DHRSX: variants seen among roughly 807,000 people sequenced by gnomAD.
DHRSX encodes the protein dehydrogenase/reductase X-linked.
Under a neutral mutation model 34.0 loss-of-function variants are expected in DHRSX, and 31 were observed. The observed-to-expected ratio is 0.91, with a 90% CI of 0.69 to 1.23. DHRSX has a LOEUF of 1.23. Among genes scored for constraint, DHRSX ranks in the 50% most tolerant of loss-of-function variants. The pLI, the probability that DHRSX is intolerant of heterozygous loss-of-function variation, is 0.00. For synonymous variants in DHRSX, 201 were observed against 183.8 expected (o/e 1.09, Z -0.76); for missense variants, 414 against 428.1 (o/e 0.97, Z 0.29).
chrX:2,270,566 C>T (rs1023244955), intron 4 of DHRSX, among the ~76,000 whole-genome samples: 34 of 151,722 alleles, frequency 2.2e-4, no homozygotes, highest in African/African-American at 7.5e-4. Flanking sequence ...GTGGGTCCCG[C>T]GGCTCTACAC....
At chrX:2,377,112 A>T (rs953416564) in intron 3 of DHRSX, among the ~76,000 whole-genome samples, 16 of 152,092 alleles carry the variant, frequency 1.1e-4, no homozygotes, top group Non-Finnish European at 1.9e-4. Flanking sequence ...TCTGGCACAG[A>T]GACTAGTTTC....
chrX:2,359,679 CA>C (rs1024598501), intron 3 of DHRSX, among the ~76,000 whole-genome samples: 3 of 148,804 alleles, frequency 2.0e-5, no homozygotes, highest in Non-Finnish European at 3.0e-5. Context: ...GACTCCATAT[CA>C]AAAAAAAAGA....
chrX:2,229,893 ATG>A (rs1207013443), intron 6 of DHRSX, among the ~76,000 whole-genome samples: 10 of 152,040 alleles, frequency 6.6e-5, no homozygotes, highest in Non-Finnish European at 1.2e-4. Context: ...GTATATGGAT[ATG>A]TGTGAGTACA....
intron 3 of DHRSX, among the ~76,000 whole-genome samples, chrX:2,359,998 C>G (rs2042908330): frequency 6.6e-6 from 1 of 152,022 alleles, no homozygotes; most frequent in Non-Finnish European, 1.5e-5. Context: ...ATGAAATAAT[C>G]ATACAACAAA....
chrX:2,452,922 C>A (rs1343054207), intron 1 of DHRSX, among the ~76,000 whole-genome samples: 1 of 152,198 alleles, frequency 6.6e-6, no homozygotes, highest in Non-Finnish European at 1.5e-5. Flanking sequence ...GGATACCTGC[C>A]CCACTGTGCA....
intron 4 of DHRSX, among the ~76,000 whole-genome samples, chrX:2,282,994 G>T (rs183535327): frequency 6.6e-6 from 1 of 151,736 alleles, no homozygotes; most frequent in Non-Finnish European, 1.5e-5. Context: ...AAGTGAGACA[G>T]TGAAGAGGTG....
chrX:2,314,253 A>G, intron 3 of DHRSX, among the ~76,000 whole-genome samples: 1 of 42,390 alleles, frequency 2.4e-5, no homozygotes, highest in Non-Finnish European at 4.5e-5. Flanking sequence ...GAAGGGAGGG[A>G]AGGAGGGAAT....
At chrX:2,349,812 C>T (rs186984533) in intron 3 of DHRSX, among the ~76,000 whole-genome samples, 90,563 of 150,918 alleles carry the variant, frequency 0.6, 28,886 homozygotes, top group African/African-American at 0.83. Flanking sequence ...GAGGCCGAGG[C>T]GGGCGGATCA....
chrX:2,390,828 T>C, intron 3 of DHRSX, among the ~76,000 whole-genome samples: 1 of 152,310 alleles, frequency 6.6e-6, no homozygotes, highest in Middle Eastern at 3.4e-3. Flanking sequence ...CTTCCTTTTT[T>C]ATGGCTGTGT....
At chrX:2,482,111 G>A (rs1173706140) in intron 1 of DHRSX, among the ~76,000 whole-genome samples, 1 of 146,262 alleles carries the variant, frequency 6.8e-6, no homozygotes, top group Non-Finnish European at 1.5e-5. Context: ...GACCACACAC[G>A]TGTGCCACCA....
At chrX:2,350,215 G>C (rs1276457558) in intron 3 of DHRSX, among the ~76,000 whole-genome samples, 2 of 151,914 alleles carry the variant, frequency 1.3e-5, no homozygotes, top group African/African-American at 4.8e-5. Flanking sequence ...GCCGGGCATG[G>C]TGGCGGGTGC....
At chrX:2,326,160 A>C (rs1047962424) in intron 3 of DHRSX, among the ~76,000 whole-genome samples, 7 of 152,176 alleles carry the variant, frequency 4.6e-5, no homozygotes, top group Non-Finnish European at 1.5e-5. Flanking sequence ...TGGAGCCAGC[A>C]CCTGATGGAC....
chrX:2,484,394 C>T (rs1439916485), intron 1 of DHRSX, among the ~76,000 whole-genome samples: 1 of 152,110 alleles, frequency 6.6e-6, no homozygotes, highest in Non-Finnish European at 1.5e-5. Flanking sequence ...GGTACTCATG[C>T]CAAGGACCTC....
intron 3 of DHRSX, among the ~76,000 whole-genome samples, chrX:2,356,747 C>T (rs1315383089): frequency 6.6e-6 from 1 of 152,184 alleles, no homozygotes; most frequent in East Asian, 1.9e-4. Flanking sequence ...GATCCCTTTC[C>T]ATTTGATGAA....
chrX:2,458,722 G>A (rs1218956895), intron 1 of DHRSX, among the ~76,000 whole-genome samples: 1 of 152,094 alleles, frequency 6.6e-6, no homozygotes, highest in African/African-American at 2.4e-5. Context: ...TGGAGGCCAG[G>A]AGCGGTGGCT....
intron 5 of DHRSX, among the ~76,000 whole-genome samples, chrX:2,258,892 A>G (rs1441758832): frequency 1.3e-5 from 2 of 152,222 alleles, no homozygotes; most frequent in African/African-American, 4.8e-5. Flanking sequence ...CCTGTCATCA[A>G]TATTCATTTT....
chrX:2,257,285 T>C (rs1218474417), intron 5 of DHRSX, among the ~76,000 whole-genome samples: 4 of 152,138 alleles, frequency 2.6e-5, no homozygotes, highest in Non-Finnish European at 4.4e-5. Context: ...ACTTCAGTCA[T>C]ATGTGACGCA....
intron 2 of DHRSX, among the ~76,000 whole-genome samples, chrX:2,420,313 C>T (rs1221582437): frequency 6.6e-6 from 1 of 152,030 alleles, no homozygotes; most frequent in East Asian, 1.9e-4. Flanking sequence ...GAGGCTGAGG[C>T]AGGAGAATCG....
chrX:2,269,093 CTATGCA>C (rs2041513891), intron 4 of DHRSX, among the ~76,000 whole-genome samples: 1 of 152,202 alleles, frequency 6.6e-6, no homozygotes, highest in Non-Finnish European at 1.5e-5. Flanking sequence ...ACATATCTTT[CTATGCA>C]TATGCATTTG....
Sources: gnomAD v4.1 joint callset for allele counts (sites outside exome capture counted in the v4.1 genomes callset) on GRCh38, gnomAD v4.1.1 for gene constraint, MANE v1.5 for transcripts, NCBI Gene and HGNC (gene_info 2026-07-23, HGNC 2026-07-21) for gene names.